The following CHCHD3 variants were observed in gnomAD, a reference collection of about 807,000 sequenced individuals.
CHCHD3 encodes MICOS complex subunit MIC19.
In CHCHD3, 20 loss-of-function variants were observed where a neutral mutation model predicts 38.2. That is an observed-to-expected ratio of 0.52 (90% CI 0.37 to 0.76). CHCHD3 has a LOEUF of 0.76. Among genes scored for constraint, CHCHD3 ranks in the 30% least tolerant of loss-of-function variants. The probability of loss-of-function intolerance (pLI) is 0.00; values close to 1 mark genes in which losing one functional copy is unlikely to be tolerated. For missense variants in CHCHD3, 245 were observed against 279.2 expected, an observed-to-expected ratio of 0.88 and a Z score of 0.87; for synonymous variants, 82 against 100.0, an observed-to-expected ratio of 0.82 and a Z score of 1.07.
intron 2 of CHCHD3, among the ~76,000 whole-genome samples, chr7:133,061,071 C>T (rs1366616892): frequency 2.0e-5 from 3 of 151,966 alleles, no homozygotes; most frequent in African/African-American, 4.8e-5. Flanking sequence ...AGAGAAGACT[C>T]GAGCAGGAGA....
chr7:132,809,790 A>C (rs1807020636), intron 6 of CHCHD3, among the ~76,000 whole-genome samples: 3 of 152,192 alleles, frequency 2.0e-5, no homozygotes, highest in Non-Finnish European at 2.9e-5. Flanking sequence ...TACAATTATA[A>C]AATCATTCTC....
intron 4 of CHCHD3, among the ~76,000 whole-genome samples, chr7:132,913,718 C>A (rs1023713563): frequency 6.6e-6 from 1 of 152,140 alleles, no homozygotes; most frequent in African/African-American, 2.4e-5. Context: ...CACAGAGAGG[C>A]ACCACAGGGG....
chr7:132,885,971 G>A (rs1809197743), intron 4 of CHCHD3, among the ~76,000 whole-genome samples: 1 of 151,974 alleles, frequency 6.6e-6, no homozygotes, highest in Admixed American at 6.5e-5. Flanking sequence ...GTCCTATTTT[G>A]TCCAAATATA....
intron 5 of CHCHD3, among the ~76,000 whole-genome samples, chr7:132,838,764 C>T (rs1434503257): frequency 6.6e-6 from 1 of 152,108 alleles, no homozygotes; most frequent in Non-Finnish European, 1.5e-5. Context: ...CTTTAGATTG[C>T]CATTATTTGG....
intron 1 of CHCHD3, among the ~76,000 whole-genome samples, chr7:133,072,631 A>G (rs889375596): frequency 6.6e-6 from 1 of 152,076 alleles, no homozygotes; most frequent in Non-Finnish European, 1.5e-5. Context: ...CGAGGTCAGG[A>G]GATCGAGACC....
chr7:133,005,136 T>C (rs1451219759), intron 3 of CHCHD3, among the ~76,000 whole-genome samples: 1 of 152,198 alleles, frequency 6.6e-6, no homozygotes, highest in Non-Finnish European at 1.5e-5. Flanking sequence ...GATTAATCTC[T>C]GCTCAGTTAA....
intron 4 of CHCHD3, among the ~76,000 whole-genome samples, chr7:132,907,926 AAAC>A (rs1809837002): frequency 6.6e-6 from 1 of 152,206 alleles, no homozygotes; most frequent in Admixed American, 6.5e-5. Flanking sequence ...GAACTGAAAA[AAAC>A]AAACCACGGT....
At chr7:132,940,728 C>A (rs1044156404) in intron 4 of CHCHD3, among the ~76,000 whole-genome samples, 1 of 152,090 alleles carries the variant, frequency 6.6e-6, no homozygotes, top group Admixed American at 6.6e-5. Context: ...AGAGTTTATT[C>A]CATTGACTTG....
chr7:133,000,077 C>G (rs1812524798), intron 3 of CHCHD3, among the ~76,000 whole-genome samples: 1 of 152,044 alleles, frequency 6.6e-6, no homozygotes, highest in Non-Finnish European at 1.5e-5. Flanking sequence ...CAAAAAGTGA[C>G]AAAGAGAAAC....
intron 4 of CHCHD3, among the ~76,000 whole-genome samples, chr7:132,968,431 G>T (rs1321774919): frequency 6.6e-6 from 1 of 152,156 alleles, no homozygotes; most frequent in South Asian, 2.1e-4. Flanking sequence ...CCAATTCAAC[G>T]TGGAAATACC....
In CHCHD3 at chr7:133,013,185, C is replaced by CAAA. The variant is rs778964079; in HGVS notation, c.251+11358_251+11360dup. 2.7e-3 allele frequency among the ~76,000 whole-genome samples: 49 copies of CAAA among 18,336 alleles called. 1 individual carries two copies. The highest frequency in any genetic ancestry group is 3.4e-3 in the Non-Finnish European group (34 of 9,956). The allele number at this position is 18,336 out of a possible 152,430, so 12.0% of individuals were successfully genotyped here. A position where few individuals can be genotyped will look rare whatever the true frequency, so the allele number is the denominator to read the frequency against. On this transcript the variant is annotated intron_variant, in intron 3 of 7. Coordinates refer to ENST00000262570, the MANE Select transcript of CHCHD3 (RefSeq NM_017812.4). Reference sequence around the variant, plus strand: ...TGGGCAACAGAGCAAGACTCCGCCTCAAAAAAAAAAAAAAAAAAAAACATT... The same window carrying CAAA: ...TGGGCAACAGAGCAAGACTCCGCCTCAAAAAAAAAAAAAAAAAAAAAAAACATT...
intron 3 of CHCHD3, among the ~76,000 whole-genome samples, chr7:132,992,446 T>A (rs968433404): frequency 2.6e-5 from 4 of 152,062 alleles, no homozygotes; most frequent in African/African-American, 9.7e-5. Context: ...GCTTTAATGT[T>A]TTAACAACTA....
At chr7:133,041,036 C>G (rs979365527) in intron 2 of CHCHD3, among the ~76,000 whole-genome samples, 1 of 152,170 alleles carries the variant, frequency 6.6e-6, no homozygotes, top group African/African-American at 2.4e-5. Flanking sequence ...GTTCTCTGCC[C>G]ATGGCATCAC....
At chr7:133,058,335 G>T (rs1814402894) in intron 2 of CHCHD3, among the ~76,000 whole-genome samples, 1 of 151,908 alleles carries the variant, frequency 6.6e-6, no homozygotes, top group South Asian at 2.1e-4. Context: ...CGATCTCCTG[G>T]GCTCAAGGGA....
chr7:132,898,670 A>G (rs1045773811), intron 4 of CHCHD3, among the ~76,000 whole-genome samples: 4 of 152,230 alleles, frequency 2.6e-5, no homozygotes, highest in African/African-American at 9.6e-5. Flanking sequence ...GCGCTCGTCG[A>G]GGAGGCTCGG....
At chr7:133,012,354 T>C (rs1812898866) in intron 3 of CHCHD3, among the ~76,000 whole-genome samples, 1 of 152,232 alleles carries the variant, frequency 6.6e-6, no homozygotes, top group Non-Finnish European at 1.5e-5. Context: ...CATAGTCATG[T>C]GAGTTAAAAA....
At chr7:132,803,736 T>C (rs1806844757) in intron 6 of CHCHD3, among the ~76,000 whole-genome samples, 1 of 151,092 alleles carries the variant, frequency 6.6e-6, no homozygotes, top group Non-Finnish European at 1.5e-5. Context: ...GGAAGCAAAA[T>C]AATCTATTGG....
intron 3 of CHCHD3, among the ~76,000 whole-genome samples, chr7:132,984,972 C>T (rs537670747): frequency 1.4e-5 from 1 of 73,558 alleles, no homozygotes; most frequent in Admixed American, 1.4e-4. Flanking sequence ...GCCGCCCCTA[C>T]TGGGAAGTGA....
At chr7:132,916,648 A>T (rs1259850164) in intron 4 of CHCHD3, among the ~76,000 whole-genome samples, 1 of 152,206 alleles carries the variant, frequency 6.6e-6, no homozygotes, top group Non-Finnish European at 1.5e-5. Context: ...TGGTGGAATC[A>T]TGGCTTACTG....
Sources: allele counts gnomAD v4.1 joint callset (sites outside exome capture counted in the v4.1 genomes callset), GRCh38; gene constraint gnomAD v4.1.1; transcripts MANE v1.5; gene names NCBI Gene and HGNC (gene_info 2026-07-23, HGNC 2026-07-21).